Variants in ADGRG2 observed in about 807,000 individuals in gnomAD.
ADGRG2 encodes adhesion G protein-coupled receptor G2.
Under a neutral mutation model 74.1 loss-of-function variants are expected in ADGRG2, and 26 were observed. The ratio of observed to expected loss-of-function variants is 0.35; its 90% CI spans 0.26 to 0.49. The LOEUF (loss-of-function observed/expected upper bound fraction) is 0.49, where lower values mean the gene tolerates loss of function less well. ADGRG2 is among the 20% of genes least tolerant of loss of function. ADGRG2 has a pLI of 0.99. For missense variants in ADGRG2, 619 were observed against 763.1 expected, an observed-to-expected ratio of 0.81 and a Z score of 2.22; for synonymous variants, 296 against 295.2, an observed-to-expected ratio of 1.00 and a Z score of -0.03.
chrX:19,122,154 T>C (rs2147109102), intron 1 of ADGRG2, among the ~76,000 whole-genome samples: 1 of 112,717 alleles, frequency 8.9e-6, no homozygotes, highest in South Asian at 3.6e-4. Flanking sequence ...CCGAAGGTTT[T>C]GGAGACGCGC....
At position 19,114,071 on chromosome X, in the gene ADGRG2, CAAAAAAAAAAAAAAAAAAGTA is replaced by C. The variant is rs1276236119; in HGVS notation, c.-47+8350_-47+8370del. On this transcript the variant is annotated intron_variant, in intron 1 of 28. Coordinates refer to ENST00000379869, the MANE Select transcript of ADGRG2 (RefSeq NM_001079858.3). ...TGGGCGACGGGGCAAGAATCTGTCT[CAAAAAAAAAAAAAAAAAAGTA>C]AAAAAAAAAAAAGTCCCTGAGAAGA... Among the ~76,000 whole-genome samples the C allele has an allele frequency of 1.1e-4, 3 of 27,020 alleles. No homozygotes were observed. The Admixed American group carries it at 1.6e-3, about 14-fold the overall frequency. The allele number at this position is 27,020 out of a possible 115,157, so 23.5% of individuals were successfully genotyped here. A position where few individuals can be genotyped will look rare whatever the true frequency, so the allele number is the denominator to read the frequency against.
At chrX:19,114,075 A>AAAAAAAAAAAAAAAGT (rs2062466152) in intron 1 of ADGRG2, among the ~76,000 whole-genome samples, 1 of 106,706 alleles carries the variant, frequency 9.4e-6, no homozygotes, top group Non-Finnish European at 1.9e-5. Flanking sequence ...CTGTCTCAAA[A>AAAAAAAAAAAAAAAGT]AAAAAAAAAA....
intron 1 of ADGRG2, among the ~76,000 whole-genome samples, chrX:19,093,412 G>A (rs751027465): frequency 3.2e-4 from 36 of 111,780 alleles, no homozygotes; most frequent in African/African-American, 1.1e-3. Flanking sequence ...AAAGGGGAAC[G>A]TTCTGAGAAG....
chrX:19,037,645 G>GA lies in ADGRG2; in HGVS notation c.155-10dup, dbSNP rs761468020. On this transcript the variant is annotated splice_polypyrimidine_tract_variant and intron_variant, in intron 4 of 28. Coordinates refer to ENST00000379869, the MANE Select transcript of ADGRG2 (RefSeq NM_001079858.3). ...GACAACAGATAATTTAGCTGCAGGA[G>GA]AAAAAAAAATTAAATCAATATTTTG... 519 of 1,054,348 alleles carry GA rather than the reference G, an allele frequency of 4.9e-4. No individual in the cohort carries two copies. The highest frequency in any genetic ancestry group is 5.5e-4 in the Non-Finnish European group (436 of 787,643). 86.9% of individuals were successfully genotyped at this position (1,054,348 alleles called of 1,213,427 possible).
chrX:19,073,129 C>T lies in ADGRG2; in HGVS notation c.-1-4294G>A, dbSNP rs1348369040. On this transcript the variant is annotated intron_variant, in intron 2 of 28. Transcript: ENST00000379869. ...AAATGCCACTATGCTTCTTGCACAG[C>T]GTGCAGAACCAGGAGCTAATTAAAC... 4.5e-5 allele frequency among the ~76,000 whole-genome samples: 5 copies of T among 112,093 alleles called. No homozygotes were observed. The East Asian group carries it at 8.4e-4, about 19-fold the overall frequency.
chrX:19,078,958 C>T (rs2061800227), intron 2 of ADGRG2, among the ~76,000 whole-genome samples: 1 of 110,983 alleles, frequency 9.0e-6, no homozygotes, highest in African/African-American at 3.3e-5. Context: ...AAAAGCAACA[C>T]ACCTGTAAAT....
chrX:19,079,164 C>G (rs1414562618), intron 2 of ADGRG2, among the ~76,000 whole-genome samples: 1 of 111,126 alleles, frequency 9.0e-6, no homozygotes, highest in African/African-American at 3.3e-5. Flanking sequence ...AACTCCAGGC[C>G]CAGATGGCTT....
At chrX:19,057,539 T>G (rs2061424933) in intron 3 of ADGRG2, among the ~76,000 whole-genome samples, 1 of 111,628 alleles carries the variant, frequency 9.0e-6, no homozygotes, top group Admixed American at 9.6e-5. Context: ...ACACAAAAAT[T>G]AGAGTGTGAG....
chrX:19,064,834 C>T (rs1353839545), intron 3 of ADGRG2, among the ~76,000 whole-genome samples: 1 of 111,858 alleles, frequency 8.9e-6, no homozygotes, highest in East Asian at 2.8e-4. Context: ...CTTAACTCCT[C>T]TGTGCCTCAA....
intron 1 of ADGRG2, among the ~76,000 whole-genome samples, chrX:19,118,085 T>C (rs778567964): frequency 3.6e-4 from 40 of 111,901 alleles, no homozygotes; most frequent in African/African-American, 1.2e-3. Context: ...CAATAGTTAA[T>C]GGTAAAATAG....
intron 1 of ADGRG2, among the ~76,000 whole-genome samples, chrX:19,090,480 T>G (rs1286200572): frequency 1.8e-5 from 2 of 111,714 alleles, no homozygotes; most frequent in Non-Finnish European, 3.8e-5. Flanking sequence ...AAAATATATT[T>G]ATAACTACAG....
chrX:19,084,401 A>C (rs1461182478), intron 1 of ADGRG2, among the ~76,000 whole-genome samples: 1 of 110,809 alleles, frequency 9.0e-6, no homozygotes, highest in Non-Finnish European at 1.9e-5. Flanking sequence ...AGGTATAGCA[A>C]ATCACCATGG....
At chrX:19,078,070 T>A (rs2061782145) in intron 2 of ADGRG2, among the ~76,000 whole-genome samples, 1 of 112,088 alleles carries the variant, frequency 8.9e-6, no homozygotes, top group Admixed American at 9.5e-5. Flanking sequence ...CATAATCTTT[T>A]CAAGAGCACA....
At chrX:19,112,454 G>A (rs765021251) in intron 1 of ADGRG2, among the ~76,000 whole-genome samples, 2 of 110,369 alleles carry the variant, frequency 1.8e-5, no homozygotes, top group Non-Finnish European at 3.8e-5. Flanking sequence ...CTACACAGTG[G>A]AGAAATTAGA....
chrX:19,057,816 G>C (rs1378127743), intron 3 of ADGRG2, among the ~76,000 whole-genome samples: 1 of 111,492 alleles, frequency 9.0e-6, no homozygotes, highest in Non-Finnish European at 1.9e-5. Flanking sequence ...TTCCAGCCTG[G>C]TGACAGAGCA....
intron 15 of ADGRG2, among the ~76,000 whole-genome samples, chrX:19,018,865 C>T (rs1042796570): frequency 1.8e-5 from 2 of 110,951 alleles, no homozygotes; most frequent in South Asian, 3.8e-4. Context: ...TTTTTTGAGA[C>T]GGAGTCTTGC....
intron 1 of ADGRG2, among the ~76,000 whole-genome samples, chrX:19,093,938 C>A (rs950993983): frequency 9.3e-6 from 1 of 107,191 alleles, no homozygotes; most frequent in African/African-American, 3.6e-5. Flanking sequence ...CACACACACA[C>A]CCCATGGAAT....
At chrX:19,054,674 T>C (rs1313101310) in intron 3 of ADGRG2, among the ~76,000 whole-genome samples, 2 of 112,064 alleles carry the variant, frequency 1.8e-5, no homozygotes, top group African/African-American at 6.5e-5. Context: ...TTGAGCTCAT[T>C]AGCATGCTAG....
intron 1 of ADGRG2, among the ~76,000 whole-genome samples, chrX:19,094,486 G>C (rs2062063812): frequency 9.0e-6 from 1 of 111,101 alleles, no homozygotes; most frequent in African/African-American, 3.3e-5. Flanking sequence ...AAGGCCTGCT[G>C]TTAACTGGGA....
Sources: allele counts gnomAD v4.1 joint callset (sites outside exome capture counted in the v4.1 genomes callset), GRCh38; gene constraint gnomAD v4.1.1; transcripts MANE v1.5; gene names NCBI Gene and HGNC (gene_info 2026-07-23, HGNC 2026-07-21).